RAB21: variants seen among roughly 807,000 people sequenced by gnomAD.
RAB21 encodes RAB21, member RAS oncogene family.
Under a neutral mutation model 33.1 loss-of-function variants are expected in RAB21, and 13 were observed. The observed-to-expected ratio is 0.39, with a 90% CI of 0.26 to 0.62. The LOEUF (loss-of-function observed/expected upper bound fraction) is 0.62. Among genes scored for constraint, RAB21 ranks in the 20% least tolerant of loss-of-function variants. The pLI is 0.48. For missense variants in RAB21, 234 were observed against 279.1 expected (o/e 0.84, Z 1.15); for synonymous variants, 91 against 103.7 (o/e 0.88, Z 0.74).
In RAB21 at chr12:71,783,999, A is replaced by G. The variant is rs749224950; in HGVS notation, c.535+1341A>G. Among the ~76,000 whole-genome samples, 51 of 152,242 alleles carry G rather than the reference A, an allele frequency of 3.3e-4. 1 individual carries two copies. The highest frequency in any genetic ancestry group is 1.6e-3 in the Admixed American group (24 of 15,284). On this transcript the variant is annotated intron_variant, in intron 6 of 6. Coordinates refer to ENST00000261263, the MANE Select transcript of RAB21 (RefSeq NM_014999.4). Reference sequence around the variant, plus strand: ...ATTTAGAAATTATATAACATGTACAAGTACTAATATGTACATTTTAAAACA... The same window carrying G: ...ATTTAGAAATTATATAACATGTACAGGTACTAATATGTACATTTTAAAACA...
chr12:71,782,081 G>A lies in RAB21; in HGVS notation c.442G>A (p.Glu148Lys). 6.2e-7 allele frequency: 1 copy of A among 1,608,198 alleles called. No individual in the cohort carries two copies. The highest frequency in any genetic ancestry group is 8.5e-7 in the Non-Finnish European group (1 of 1,175,078). ...GAGACATGTTTCCATTCAAGAAGCA[G>A]AGTCGTAAGTACTGTGACCCTCCCA... ...KERHVSIQEA[E>K]SYAESVGAKH... Residue 148 changes from glutamate (E) to lysine (K), a missense_variant, in exon 5 of 7, where the codon GAG (glutamate) becomes AAG (lysine). Glu to Lys is a moderately conservative substitution (Grantham distance 56). Coordinates refer to ENST00000261263, the MANE Select transcript of RAB21 (RefSeq NM_014999.4).
At chr12:71,755,318 C>T (rs1291034614) in intron 1 of RAB21, 30 bp downstream of exon 1, 3 of 1,481,408 alleles carry the variant, frequency 2.0e-6, no homozygotes, top group Non-Finnish European at 2.7e-6. Flanking sequence ...GGAGGGGGCG[C>T]CTCAGGGCCC....
At chr12:71,779,528 A>G (rs1446182220) in intron 4 of RAB21, among the ~76,000 whole-genome samples, 1 of 152,212 alleles carries the variant, frequency 6.6e-6, no homozygotes, top group East Asian at 1.9e-4. Flanking sequence ...TATCACATTT[A>G]AAAGCTTTCT....
At chr12:71,763,507 A>G (rs1427570747) in intron 1 of RAB21, among the ~76,000 whole-genome samples, 1 of 150,606 alleles carries the variant, frequency 6.6e-6, no homozygotes, top group Non-Finnish European at 1.5e-5. Context: ...TTTAAATAGC[A>G]TTTTCTTTTT....
At position 71,798,091 on chromosome 12, in the gene RAB21, T is replaced by C. The variant is rs1883488166; in HGVS notation, c.*12418T>C. On this transcript the variant is annotated 3_prime_UTR_variant, in exon 7 of 7. Transcript: ENST00000261263. ...ACTATAAATTTGTAACAATAAATTA[T>C]TATTATTTTTGAGATGGAGTCTCAC... is the stretch of plus-strand genomic sequence containing the variant. The C allele has an allele frequency of 6.6e-6, 1 of 152,150 alleles. No individual in the cohort carries two copies. Among genetic ancestry groups the C allele is most frequent in the African/African-American group, 2.4e-5 (1 of 41,416 alleles). The allele number at this position is 152,150 out of a possible 1,614,324, so 9.4% of individuals were successfully genotyped here.
chr12:71,757,030 C>T (rs754662557), intron 1 of RAB21, among the ~76,000 whole-genome samples: 1 of 152,122 alleles, frequency 6.6e-6, no homozygotes, highest in South Asian at 2.1e-4. Context: ...CACATTACCT[C>T]GGTATATTGA....
rs529224358 is a variant in RAB21, at chr12:71,771,740, G to A, written c.327+1041G>A. Reference sequence around the variant, plus strand: ...TGTAATCCCAGCACTTTGGGAGGTCGAGGACAGCGGGTCACTTGAGGTCGG... The same window carrying A: ...TGTAATCCCAGCACTTTGGGAGGTCAAGGACAGCGGGTCACTTGAGGTCGG... On this transcript the variant is annotated intron_variant, in intron 3 of 6. Transcript: ENST00000261263. Among the ~76,000 whole-genome samples the A allele has an allele frequency of 5.9e-5, 9 of 152,214 alleles. No homozygotes were observed. In the South Asian group the frequency reaches 1.9e-3, roughly 32 times the overall value.
In RAB21 at chr12:71,766,724, T is replaced by C. The variant is rs533072561; in HGVS notation, c.160-3076T>C. ...CATGAGTATAAGAGAACATGAAATT[T>C]CAAGGAAAAAGAGCCATATTTGGAT... On this transcript the variant is annotated intron_variant, in intron 1 of 6. Transcript: ENST00000261263. 2.0e-5 allele frequency among the ~76,000 whole-genome samples: 3 copies of C among 152,128 alleles called. No homozygotes were observed. In the East Asian group the frequency reaches 5.8e-4, roughly 29 times the overall value.
intron 4 of RAB21, among the ~76,000 whole-genome samples, chr12:71,775,119 C>T (rs575452818): frequency 1.3e-5 from 2 of 152,292 alleles, no homozygotes; most frequent in South Asian, 4.1e-4. Context: ...TTTTGGACTT[C>T]TGGAATTTCT....
Position 71,755,140 on chromosome 12 carries a change from CCGGCGG to C in RAB21, c.24_29del (p.Gly9_Gly10del). 5 of 1,255,308 alleles carry C rather than the reference CCGGCGG, an allele frequency of 4.0e-6. No homozygotes were observed. The highest frequency in any genetic ancestry group is 2.5e-4 in the Middle Eastern group (1 of 3,964). 77.8% of individuals were successfully genotyped at this position (1,255,308 alleles called of 1,614,324 possible). A position where few individuals can be genotyped will look rare whatever the true frequency, so the allele number is the denominator to read the frequency against. On this transcript the variant is annotated inframe_deletion, in exon 1 of 7. Transcript: ENST00000261263. ...CCGGGAAGCGACGGGATGGCTGCGGCCGGCGGCGGCGGCGGCGGGGCGGCGGCGGCG... is the reference window on the plus strand; with the variant it reads ...CCGGGAAGCGACGGGATGGCTGCGGCCGGCGGCGGCGGGGCGGCGGCGGCG...
rs328749 is a variant in RAB21 at position 71,791,189 on chromosome 12, G to A, written c.*5516G>A. 0.034 allele frequency: 5,262 copies of A among 153,582 alleles called. 300 individuals carry two copies. The highest frequency in any genetic ancestry group is 0.12 in the African/African-American group (4,953 of 41,468). The allele number at this position is 153,582 out of a possible 1,614,324, so 9.5% of individuals were successfully genotyped here. A position where few individuals can be genotyped will look rare whatever the true frequency, so the allele number is the denominator to read the frequency against. ...ATTTTTAGTAGAGATGGGAAGTCTT[G>A]CTGTGTTGCCCAGGCTGGTCTTGAA... On this transcript the variant is annotated 3_prime_UTR_variant, in exon 7 of 7. Coordinates refer to ENST00000261263, the MANE Select transcript of RAB21 (RefSeq NM_014999.4).
In RAB21 at chr12:71,785,197, C is replaced by A. The variant is rs368274808; in HGVS notation, c.536-334C>A. Reference sequence around the variant, plus strand: ...ATATTACTTGGAATAATTTGAACTTCTTTGACATATTTCTAAGTGTGTTTG... The same window carrying A: ...ATATTACTTGGAATAATTTGAACTTATTTGACATATTTCTAAGTGTGTTTG... On this transcript the variant is annotated intron_variant, in intron 6 of 6. Coordinates refer to ENST00000261263, the MANE Select transcript of RAB21 (RefSeq NM_014999.4). Among the ~76,000 whole-genome samples the A allele has an allele frequency of 4.6e-5, 7 of 152,188 alleles. No individual in the cohort carries two copies. In the East Asian group the frequency reaches 9.6e-4, roughly 21 times the overall value.
intron 1 of RAB21, 120 bp from the exon 2 acceptor site, chr12:71,769,680 C>T (rs970969485): frequency 1.6e-5 from 7 of 448,608 alleles, no homozygotes; most frequent in South Asian, 1.2e-4. Context: ...ATTTAAAACT[C>T]GGTGATTACT....
At position 71,756,340 on chromosome 12, in the gene RAB21, A is replaced by G. The variant is rs571756014; in HGVS notation, c.159+1052A>G. Among the ~76,000 whole-genome samples the G allele has an allele frequency of 5.9e-5, 9 of 152,354 alleles. No homozygotes were observed. The South Asian group carries it at 1.0e-3, about 18-fold the overall frequency. ...GGATAAATATACAGAAAAAGCACTGATGACCTGGTCCAGTGTAAGTTGTCT... is the reference window on the plus strand; with the variant it reads ...GGATAAATATACAGAAAAAGCACTGGTGACCTGGTCCAGTGTAAGTTGTCT... On this transcript the variant is annotated intron_variant, in intron 1 of 6. Transcript: ENST00000261263.
intron 1 of RAB21, among the ~76,000 whole-genome samples, chr12:71,762,709 A>G (rs1882894376): frequency 6.6e-6 from 1 of 151,776 alleles, no homozygotes; most frequent in Non-Finnish European, 1.5e-5. Flanking sequence ...CAGCCTCCTG[A>G]GTAGCTGGGA....
intron 4 of RAB21, among the ~76,000 whole-genome samples, chr12:71,780,212 C>G (rs927479916): frequency 1.3e-5 from 2 of 152,136 alleles, no homozygotes; most frequent in African/African-American, 4.8e-5. Context: ...TGCTTTTCCT[C>G]TCTTCACTCT....
chr12:71,757,184 C>T (rs944878210), intron 1 of RAB21, among the ~76,000 whole-genome samples: 5 of 152,200 alleles, frequency 3.3e-5, no homozygotes, highest in African/African-American at 4.8e-5. Flanking sequence ...TTTCCACTCA[C>T]TGCAACCTCC....
chr12:71,769,965 AAG>A (rs1883017898), intron 2 of RAB21, 106 bp downstream of exon 2: 2 of 482,214 alleles, frequency 4.1e-6, no homozygotes, highest in Admixed American at 4.3e-5. Context: ...TTTAATTAAA[AAG>A]AATCTTAAAA....
rs1463474634 is a variant in RAB21 at position 71,786,432 on chromosome 12, T to C, written c.*759T>C. Reference sequence around the variant, plus strand: ...CTAAACAGCAAACTGTTTTTGTTTTTAATTAGCAGATATCTGAAGTACTAT... The same window carrying C: ...CTAAACAGCAAACTGTTTTTGTTTTCAATTAGCAGATATCTGAAGTACTAT... On this transcript the variant is annotated 3_prime_UTR_variant, in exon 7 of 7. Transcript: ENST00000261263. 2 of 152,762 alleles carry C rather than the reference T, an allele frequency of 1.3e-5. No homozygotes were observed. Among genetic ancestry groups the C allele is most frequent in the East Asian group, 1.9e-4 (1 of 5,186 alleles). The allele number at this position is 152,762 out of a possible 1,614,324, so 9.5% of individuals were successfully genotyped here. A position where few individuals can be genotyped will look rare whatever the true frequency, so the allele number is the denominator to read the frequency against.
Sources: gnomAD v4.1 joint callset for allele counts (sites outside exome capture counted in the v4.1 genomes callset) on GRCh38, gnomAD v4.1.1 for gene constraint, MANE v1.5 for transcripts, NCBI Gene and HGNC (gene_info 2026-07-23, HGNC 2026-07-21) for gene names.